The following GLB1L2 variants were observed in gnomAD, a reference collection of about 807,000 sequenced individuals.
The protein encoded by GLB1L2 is beta-galactosidase-1-like protein 2.
A neutral mutation model predicts 84.1 loss-of-function variants in GLB1L2; 68 were observed. The ratio of observed to expected loss-of-function variants is 0.81; its 90% confidence interval spans 0.67 to 0.99. The LOEUF is 0.99. GLB1L2 is among the 50% of genes least tolerant of loss of function. GLB1L2 has a pLI of 0.00. For synonymous variants in GLB1L2, 290 were observed against 318.0 expected, an observed-to-expected ratio of 0.91 and a Z score of 0.94; for missense variants, 762 against 805.6, an observed-to-expected ratio of 0.95 and a Z score of 0.66.
chr11:134,341,853 G>C (rs932618449), intron 1 of GLB1L2, among the ~76,000 whole-genome samples: 2 of 152,010 alleles, frequency 1.3e-5, no homozygotes, highest in African/African-American at 4.8e-5. Flanking sequence ...GGGGCGTCTT[G>C]TGCAGTGGGG....
chr11:134,374,888 C>T (rs1272136679), intron 18 of GLB1L2, 84 bp from the exon 19 acceptor site: 4 of 1,387,550 alleles, frequency 2.9e-6, no homozygotes, highest in Non-Finnish European at 4.0e-6. Context: ...AAACCCTTTC[C>T]TTCTGACCCT....
intron 5 of GLB1L2, among the ~76,000 whole-genome samples, chr11:134,349,681 C>G (rs541537922): frequency 1.3e-5 from 2 of 152,304 alleles, no homozygotes; most frequent in East Asian, 3.9e-4. Context: ...TTGCATTTCC[C>G]TGGTGATGTT....
Position 134,367,288 on chromosome 11 carries a change from G to A in GLB1L2, c.836G>A (p.Trp279Ter). The change falls in exon 9 of 19, where the codon TGG (tryptophan) becomes TAG (stop). Residue 279 changes from tryptophan to a stop codon, truncating the protein, a stop_gained. Transcript: ENST00000535456. LOFTEE classifies it high-confidence loss of function. ...CAGCCCAAGATGGTGATGGAGTACTGGACGGGGTGGTTTGACTCGTGGGGA... is the reference window on the plus strand; with the variant it reads ...CAGCCCAAGATGGTGATGGAGTACTAGACGGGGTGGTTTGACTCGTGGGGA... ...GTQPKMVMEY[W>*]TGWFDSWGGP... 6.2e-7 allele frequency: 1 copy of A among 1,614,146 alleles called. No individual in the cohort carries two copies. The highest frequency in any genetic ancestry group is 1.1e-5 in the South Asian group (1 of 91,070).
At chr11:134,365,255 G>A (rs781684016) in intron 8 of GLB1L2, among the ~76,000 whole-genome samples, 2 of 152,232 alleles carry the variant, frequency 1.3e-5, no homozygotes, top group Non-Finnish European at 2.9e-5. Context: ...GAGTTCAGCT[G>A]CCAGAGTAGG....
chr11:134,369,907 C>G (rs747721975), intron 11 of GLB1L2, 22 bp downstream of exon 11: 16 of 1,602,882 alleles, frequency 1.0e-5, no homozygotes, highest in Non-Finnish European at 1.3e-5. Context: ...ACAGCAGACT[C>G]AAGTTCCAAC....
chr11:134,352,302 C>T (rs1007898742), intron 5 of GLB1L2, among the ~76,000 whole-genome samples: 1 of 152,130 alleles, frequency 6.6e-6, no homozygotes, highest in Non-Finnish European at 1.5e-5. Context: ...GTAATAGCCT[C>T]ATGTTGTTTC....
At chr11:134,347,717 C>T (rs1237359066) in intron 5 of GLB1L2, among the ~76,000 whole-genome samples, 1 of 152,146 alleles carries the variant, frequency 6.6e-6, no homozygotes, top group Non-Finnish European at 1.5e-5. Flanking sequence ...CTGTGATAGC[C>T]GGGAACACGC....
chr11:134,361,363 A>G (rs1943786348), intron 7 of GLB1L2: 1 of 152,126 alleles, frequency 6.6e-6, no homozygotes, highest in Non-Finnish European at 1.5e-5. Flanking sequence ...TTGTTCCAGT[A>G]GGTGATGAGT....
Position 134,344,513 on chromosome 11 carries a change from T to G in GLB1L2, c.353+58T>G, listed in dbSNP as rs1386312538. 5.9e-6 allele frequency: 9 copies of G among 1,521,308 alleles called. No homozygotes were observed. The Admixed American group carries it at 1.4e-4, about 23-fold the overall frequency. The allele number at this position is 1,521,308 out of a possible 1,614,324, so 94.2% of individuals were successfully genotyped here. A position where few individuals can be genotyped will look rare whatever the true frequency, so the allele number is the denominator to read the frequency against. The stretch of plus-strand genomic sequence containing the variant: ...AGGGGCAGGGCACAGAGGTGGCTAC[T>G]GGGGTGGATTAGCAACCAAAGAGAA... On this transcript the variant is annotated intron_variant, in intron 3 of 18. Transcript: ENST00000535456.
rs1373766156 is a variant in GLB1L2 at position 134,375,299 on chromosome 11, G to A, written c.*241G>A. 2 of 485,990 alleles carry A rather than the reference G, an allele frequency of 4.1e-6. No individual in the cohort carries two copies. The highest frequency in any genetic ancestry group is 3.6e-5 in the East Asian group (1 of 27,812). The allele number at this position is 485,990 out of a possible 1,614,324, so 30.1% of individuals were successfully genotyped here. On this transcript the variant is annotated 3_prime_UTR_variant, in exon 19 of 19. Transcript: ENST00000535456. ...TTTCCTACAGCCCTGCTCTTGTGCC[G>A]AGGCTGTCGGGCTGTCTCTAGGGTG...
intron 5 of GLB1L2, among the ~76,000 whole-genome samples, chr11:134,352,649 C>CTT (rs543898112): frequency 6.7e-5 from 9 of 133,410 alleles, no homozygotes; most frequent in Admixed American, 1.5e-4. Flanking sequence ...AATATGTCTT[C>CTT]TTTTTTTTTT....
chr11:134,332,781 T>C (rs905286853), intron 1 of GLB1L2, among the ~76,000 whole-genome samples: 2 of 152,188 alleles, frequency 1.3e-5, no homozygotes, highest in African/African-American at 4.8e-5. Flanking sequence ...CCAAATGTTG[T>C]TTATGGCAAA....
chr11:134,344,492 G>T, intron 3 of GLB1L2, 37 bp downstream of exon 3: 1 of 1,604,026 alleles, frequency 6.2e-7, no homozygotes, highest in Non-Finnish European at 8.5e-7. Flanking sequence ...CTGGCCAGGG[G>T]CAGGGCACAG....
intron 1 of GLB1L2, among the ~76,000 whole-genome samples, chr11:134,336,755 TA>T (rs76391993): frequency 0.32 from 48,402 of 151,568 alleles, 8,150 homozygotes; most frequent in Non-Finnish European, 0.38. Context: ...TGTGGTGGAT[TA>T]AAAAAAAATT....
intron 2 of GLB1L2, 50 bp from the exon 3 acceptor site, chr11:134,344,337 A>G: frequency 3.7e-6 from 6 of 1,604,910 alleles, no homozygotes; most frequent in Non-Finnish European, 5.1e-6. Context: ...GTGAGAGGTG[A>G]AATGGAATGA....
At chr11:134,348,675 TG>T (rs1360709049) in intron 5 of GLB1L2, among the ~76,000 whole-genome samples, 1 of 152,220 alleles carries the variant, frequency 6.6e-6, no homozygotes, top group African/African-American at 2.4e-5. Flanking sequence ...CCACCCACAC[TG>T]TTGTGTGCTC....
At chr11:134,362,687 C>A (rs1340565434) in intron 7 of GLB1L2, among the ~76,000 whole-genome samples, 1 of 152,230 alleles carries the variant, frequency 6.6e-6, no homozygotes, top group African/African-American at 2.4e-5. Flanking sequence ...TCTTCCCGCC[C>A]TCCCCTCCAC....
chr11:134,370,936 C>A lies in GLB1L2; in HGVS notation c.1216-72C>A. 2 of 1,561,402 alleles carry A rather than the reference C, an allele frequency of 1.3e-6. No individual in the cohort carries two copies. Among genetic ancestry groups the A allele is most frequent in the Non-Finnish European group, 1.7e-6 (2 of 1,145,446 alleles). ...CCTCCGCTTCCACCCCATGTGCCAG[C>A]CCCCAGGCAGAGTCTGTCTGTGACC... On this transcript the variant is annotated intron_variant, in intron 12 of 18. Coordinates refer to ENST00000535456, the MANE Select transcript of GLB1L2 (RefSeq NM_001370461.1). This position sits in a 1 kb window ranked among gnomAD's most constrained non-coding sequence, Gnocchi z 4.7.
At chr11:134,348,404 G>GC (rs1943579938) in intron 5 of GLB1L2, among the ~76,000 whole-genome samples, 1 of 152,168 alleles carries the variant, frequency 6.6e-6, no homozygotes, top group Non-Finnish European at 1.5e-5. Context: ...CCTAGATCTT[G>GC]CTGGGAAGCT....
Sources: gnomAD v4.1 joint callset for allele counts (sites outside exome capture counted in the v4.1 genomes callset) on GRCh38, gnomAD v4.1.1 for gene constraint, Gnocchi (gnomAD v3.1) non-coding constraint, MANE v1.5 for transcripts, NCBI Gene and HGNC (gene_info 2026-07-23, HGNC 2026-07-21) for gene names.